Variants in UPF1 observed in about 807,000 individuals in gnomAD.
UPF1 encodes UPF1 RNA helicase and ATPase, also known as regulator of nonsense transcripts 1.
UPF1 carries 9 observed loss-of-function variants against 129.2 expected under a neutral mutation model. That is an observed-to-expected ratio of 0.07 (90% confidence interval 0.04 to 0.12). UPF1 has a LOEUF of 0.12. UPF1 is among the 10% of genes least tolerant of loss of function. UPF1 has a pLI of 1.00. For synonymous variants in UPF1, 649 were observed against 644.9 expected (o/e 1.01, Z -0.10); for missense variants, 788 against 1,525.3 (o/e 0.52, Z 8.05).
At chr19:18,857,593 G>A in intron 15 of UPF1, 60 bp downstream of exon 15, 1 of 1,493,464 alleles carries the variant, frequency 6.7e-7, no homozygotes. Context: ...AGGGAATGTG[G>A]ACTGGGGAGA....
In UPF1 at chr19:18,850,652, G is replaced by A. The variant is rs779830673; in HGVS notation, c.630-36G>A. 3.4e-5 allele frequency: 52 copies of A among 1,519,154 alleles called. No individual in the cohort carries two copies. Among genetic ancestry groups the A allele is most frequent in the Middle Eastern group, 2.4e-4 (1 of 4,102 alleles). The allele number at this position is 1,519,154 out of a possible 1,614,324, so 94.1% of individuals were successfully genotyped here. A position where few individuals can be genotyped will look rare whatever the true frequency, so the allele number is the denominator to read the frequency against. On this transcript the variant is annotated intron_variant, in intron 4 of 23. Coordinates refer to ENST00000262803, the MANE Select transcript of UPF1 (RefSeq NM_002911.4). The surrounding 1 kb of genome is among the most constrained non-coding windows in gnomAD (Gnocchi z 7.1). ...CTCCCTGCTCCGGGGCTTCAGGGACGGGAGCTGGTCCTCACGGCCCCCTCC... is the reference window on the plus strand; with the variant it reads ...CTCCCTGCTCCGGGGCTTCAGGGACAGGAGCTGGTCCTCACGGCCCCCTCC...
intron 11 of UPF1, 158 bp downstream of exon 11, chr19:18,855,400 C>A (rs1231041528): frequency 3.9e-6 from 3 of 773,200 alleles, no homozygotes; most frequent in Middle Eastern, 3.8e-4. Context: ...TGACATTATT[C>A]GTGTCAGCTC....
Position 18,865,728 on chromosome 19 carries a change from C to A in UPF1, c.3187C>A (p.Gln1063Lys). The A allele has an allele frequency of 6.2e-7, 1 of 1,613,432 alleles. No homozygotes were observed. Residue 1063 changes from glutamine to lysine, a missense_variant, in exon 22 of 24, where the codon CAG (glutamine) becomes AAG (lysine). By Grantham distance (53) the Gln-to-Lys change is moderately conservative. Around this residue, in one of 6 missense-constraint regions of UPF1, gnomAD observed 218 missense variants for 318.1 expected, o/e 0.69. Transcript: ENST00000262803. The surrounding 1 kb of genome is among the most constrained non-coding windows in gnomAD (Gnocchi z 6.1). ...GACGCAGGGCTACATCTCCATGAGCCAGCCTTCCCAGATGAGCCAGCCCGG... is the reference window on the plus strand; with the variant it reads ...GACGCAGGGCTACATCTCCATGAGCAAGCCTTCCCAGATGAGCCAGCCCGG... Reference protein sequence around the residue: ...ALTQGYISMSQPSQMSQPGLS... With the variant: ...ALTQGYISMSKPSQMSQPGLS...
At chr19:18,842,060 G>A (rs2055547744) in intron 1 of UPF1, among the ~76,000 whole-genome samples, 1 of 152,132 alleles carries the variant, frequency 6.6e-6, no homozygotes. Flanking sequence ...TTCTACCACT[G>A]CACTCCAGCC....
At position 18,832,258 on chromosome 19, in the gene UPF1, G is replaced by A; in HGVS notation, c.49G>A (p.Asp17Asn). 5 of 1,554,412 alleles carry A rather than the reference G, an allele frequency of 3.2e-6. No individual in the cohort carries two copies. The highest frequency in any genetic ancestry group is 3.5e-6 in the Non-Finnish European group (4 of 1,150,414). ...GPSSQTLTFL[D>N]TEEAELLGAD... The stretch of plus-strand genomic sequence containing the variant: ...CAGCTCGCAGACTCTCACTTTCCTG[G>A]ACACGGAGGAGGCCGAGCTGCTTGG... The change falls in exon 1 of 24, where the codon GAC (aspartate) becomes AAC (asparagine). Residue 17 changes from aspartate (D) to asparagine (N), a missense_variant. Around this residue, in one of 6 missense-constraint regions of UPF1, gnomAD observed 112 missense variants for 128.2 expected, o/e 0.87. Transcript: ENST00000262803. The surrounding 1 kb of genome is among the most constrained non-coding windows in gnomAD (Gnocchi z 5.6).
At chr19:18,836,749 ATTTTTTT>A (rs755282469) in intron 1 of UPF1, among the ~76,000 whole-genome samples, 3 of 129,486 alleles carry the variant, frequency 2.3e-5, no homozygotes, top group African/African-American at 8.6e-5. Context: ...CTATCCACCC[ATTTTTTT>A]TTTTTTTTTT....
At chr19:18,858,346 A>C (rs141816577) in intron 15 of UPF1, among the ~76,000 whole-genome samples, 1 of 152,282 alleles carries the variant, frequency 6.6e-6, no homozygotes, top group Non-Finnish European at 1.5e-5. Context: ...TCTTCCCAAC[A>C]CCTAGAGACT....
In UPF1 at chr19:18,858,373, T is replaced by G. The variant is rs376755309; in HGVS notation, c.2182+840T>G. Among the ~76,000 whole-genome samples the G allele has an allele frequency of 4.1e-4, 62 of 152,252 alleles. 1 individual carries two copies. The South Asian group carries it at 8.9e-3, about 22-fold the overall frequency. ...CTAGAGACTTTTCTGGTGAGGTCTG[T>G]GGGGGTGACAGATGGAATGTTTCCA... On this transcript the variant is annotated intron_variant, in intron 15 of 23. Coordinates refer to ENST00000262803, the MANE Select transcript of UPF1 (RefSeq NM_002911.4).
Position 18,832,392 on chromosome 19 carries a change from C to T in UPF1, c.183C>T (p.Gly61=), listed in dbSNP as rs1211573819. ...GCCCGGGCGGTGGCGGCGCGGGAGG[C>T]CCGGGCGGCGCGGGCGCGGGCGCTG... ...PGGPGGGGAG[G]PGGAGAGAAA... is the part of the protein sequence containing the mutation. Residue 61 remains glycine, a synonymous_variant, in exon 1 of 24, where the codon GGC becomes GGT. Transcript: ENST00000262803. This position sits in a 1 kb window ranked among gnomAD's most constrained non-coding sequence, Gnocchi z 5.6. The T allele has an allele frequency of 9.4e-7, 1 of 1,065,852 alleles. No individual in the cohort carries two copies. The highest frequency in any genetic ancestry group is 1.1e-6 in the Non-Finnish European group (1 of 881,458). The allele number at this position is 1,065,852 out of a possible 1,614,324, so 66.0% of individuals were successfully genotyped here.
In UPF1 at chr19:18,850,884, G is replaced by C. The variant is rs1189482082; in HGVS notation, c.810+16G>C. ...GCTGTGGAAGGTGGGGCTGCCCAGC[G>C]GGCCGACCCGTGCCTTCGTGTGGTT... On this transcript the variant is annotated intron_variant, in intron 5 of 23. Coordinates refer to ENST00000262803, the MANE Select transcript of UPF1 (RefSeq NM_002911.4). This position sits in a 1 kb window ranked among gnomAD's most constrained non-coding sequence, Gnocchi z 7.1. The C allele has an allele frequency of 6.5e-7, 1 of 1,545,356 alleles. No homozygotes were observed. The highest frequency in any genetic ancestry group is 8.8e-7 in the Non-Finnish European group (1 of 1,142,560).
At chr19:18,838,794 A>G (rs1254288811) in intron 1 of UPF1, among the ~76,000 whole-genome samples, 1 of 152,210 alleles carries the variant, frequency 6.6e-6, no homozygotes, top group Admixed American at 6.5e-5. Context: ...CTTACCCCTT[A>G]GTAGACTTAC....
In UPF1 at chr19:18,833,586, C is replaced by G. The variant is rs920318551; in HGVS notation, c.231+1146C>G. On this transcript the variant is annotated intron_variant, in intron 1 of 23. Transcript: ENST00000262803. ...GGGGCTGGGGGGGTGGCGCGTGTTGCACCGGGGTCCTGGGGAATGTCCTCA... is the reference window on the plus strand; with the variant it reads ...GGGGCTGGGGGGGTGGCGCGTGTTGGACCGGGGTCCTGGGGAATGTCCTCA... 1.1e-3 allele frequency among the ~76,000 whole-genome samples: 172 copies of G among 152,060 alleles called. 1 individual carries two copies. Among genetic ancestry groups the G allele is most frequent in the African/African-American group, 4.0e-3 (164 of 41,458 alleles).
At chr19:18,840,480 C>T (rs904981899) in intron 1 of UPF1, among the ~76,000 whole-genome samples, 1 of 152,128 alleles carries the variant, frequency 6.6e-6, no homozygotes, top group African/African-American at 2.4e-5. Context: ...CTAAAGGGCA[C>T]ATGCTGGGCA....
At chr19:18,855,320 C>G in intron 11 of UPF1, 78 bp downstream of exon 11, 2 of 1,508,204 alleles carry the variant, frequency 1.3e-6, no homozygotes, top group Non-Finnish European at 1.8e-6. Flanking sequence ...GTGCTGGGAG[C>G]CTTGGGCTCT....
intron 17 of UPF1, 140 bp downstream of exon 17, chr19:18,861,122 T>A: frequency 5.2e-6 from 6 of 1,163,786 alleles, no homozygotes; most frequent in Non-Finnish European, 7.1e-6. Flanking sequence ...GCCCACCCTC[T>A]GGGGAGGGCA....
Position 18,850,229 on chromosome 19 carries a change from G to C in UPF1, c.616G>C (p.Val206Leu), listed in dbSNP as rs2055643272. Residue 206 changes from valine to leucine, a missense_variant, in exon 4 of 24, where the codon GTG (valine) becomes CTG (leucine). Coordinates refer to ENST00000262803, the MANE Select transcript of UPF1 (RefSeq NM_002911.4). This position sits in a 1 kb window ranked among gnomAD's most constrained non-coding sequence, Gnocchi z 7.1. Reference protein sequence around the residue: ...FIPAKADSVVVLLCRQPCASQ... With the variant: ...FIPAKADSVVLLLCRQPCASQ... ...CCCGGCCAAAGCTGACTCAGTGGTG[G>C]TGCTGCTGTGCAGGTGAGTGGTCCC... is the stretch of plus-strand genomic sequence containing the variant. 2 of 1,608,950 alleles carry C rather than the reference G, an allele frequency of 1.2e-6. No individual in the cohort carries two copies. Among genetic ancestry groups the C allele is most frequent in the Admixed American group, 1.7e-5 (1 of 59,368 alleles).
intron 19 of UPF1, 88 bp downstream of exon 19, chr19:18,863,700 C>T (rs936126311): frequency 3.0e-5 from 39 of 1,296,374 alleles, no homozygotes; most frequent in East Asian, 1.9e-4. Flanking sequence ...CCCGTGTGCC[C>T]GTGAGCTGAG....
chr19:18,835,298 A>T (rs2055471639), intron 1 of UPF1, among the ~76,000 whole-genome samples: 2 of 151,880 alleles, frequency 1.3e-5, no homozygotes, highest in South Asian at 4.2e-4. Context: ...CAGGAAAATG[A>T]ACCTGATCGA....
At position 18,832,243 on chromosome 19, in the gene UPF1, A is replaced by G; in HGVS notation, c.34A>G (p.Thr12Ala). ...GGAGGCGTACGGGCCCAGCTCGCAG[A>G]CTCTCACTTTCCTGGACACGGAGGA... Reference protein sequence around the residue: ...SVEAYGPSSQTLTFLDTEEAE... With the variant: ...SVEAYGPSSQALTFLDTEEAE... Residue 12 changes from threonine (T) to alanine (A), a missense_variant, in exon 1 of 24, where the codon ACT becomes GCT. By Grantham distance (58) the Thr-to-Ala change is moderately conservative (BLOSUM62 0). Transcript: ENST00000262803. The surrounding 1 kb of genome is among the most constrained non-coding windows in gnomAD (Gnocchi z 5.6). 1 of 1,549,374 alleles carries G rather than the reference A, an allele frequency of 6.5e-7. No individual in the cohort carries two copies. Among genetic ancestry groups the G allele is most frequent in the South Asian group, 1.2e-5 (1 of 86,272 alleles).
Sources: gnomAD v4.1 joint callset for allele counts (sites outside exome capture counted in the v4.1 genomes callset) on GRCh38, gnomAD v4.1.1 for gene constraint, gnomAD v4.1.1 regional missense constraint, Gnocchi (gnomAD v3.1) non-coding constraint, MANE v1.5 for transcripts, NCBI Gene and HGNC (gene_info 2026-07-23, HGNC 2026-07-21) for gene names.